Variants in JHY observed in about 807,000 individuals in gnomAD.
The protein encoded by JHY is jhy protein homolog.
Under a neutral mutation model 78.0 loss-of-function variants are expected in JHY, and 69 were observed. The observed-to-expected ratio is 0.88, with a 90% CI of 0.73 to 1.08. JHY has a LOEUF of 1.08. JHY is among the 50% of genes least tolerant of loss of function. JHY has a pLI of 0.00. For missense variants in JHY, 944 were observed against 927.8 expected (o/e 1.02, Z -0.23); for synonymous variants, 368 against 342.6 (o/e 1.07, Z -0.82).
At chr11:122,942,755 A>G (rs1428882320) in intron 5 of JHY, among the ~76,000 whole-genome samples, 2 of 152,170 alleles carry the variant, frequency 1.3e-5, no homozygotes, top group African/African-American at 2.4e-5. Context: ...TTAGCTCATT[A>G]TTTCTAAGGC....
chr11:122,957,373 T>C lies in JHY; in HGVS notation c.2021T>C (p.Leu674Ser). Residue 674 changes from leucine to serine, a missense_variant, in exon 8 of 9, where the codon TTA (leucine) becomes TCA (serine). By Grantham distance (145) the Leu-to-Ser change is moderately radical. Transcript: ENST00000227349. ...TGTTTCTCTGAACAGACGCAAAAATTAATACAGCAAAAGGAATATGCAAAA... is the reference window on the plus strand; with the variant it reads ...TGTTTCTCTGAACAGACGCAAAAATCAATACAGCAAAAGGAATATGCAAAA... ...FESIRDKTQK[L>S]IQQKEYAKQV... The C allele has an allele frequency of 6.5e-7, 1 of 1,527,588 alleles. No homozygotes were observed. Among genetic ancestry groups the C allele is most frequent in the South Asian group, 1.3e-5 (1 of 75,558 alleles). The allele number at this position is 1,527,588 out of a possible 1,614,324, so 94.6% of individuals were successfully genotyped here.
At chr11:122,890,141 T>C (rs1449454231) in intron 2 of JHY, among the ~76,000 whole-genome samples, 1 of 151,940 alleles carries the variant, frequency 6.6e-6, no homozygotes, top group East Asian at 1.9e-4. Flanking sequence ...ACAGATTAGA[T>C]ATGAGGATTG....
chr11:122,940,141 C>G (rs1268842685), intron 5 of JHY, among the ~76,000 whole-genome samples: 1 of 151,896 alleles, frequency 6.6e-6, no homozygotes, highest in Non-Finnish European at 1.5e-5. Context: ...AGTTCGAGAC[C>G]AGCCTGGCCA....
intron 5 of JHY, among the ~76,000 whole-genome samples, chr11:122,937,630 C>T (rs1320985341): frequency 6.6e-6 from 1 of 152,070 alleles, no homozygotes; most frequent in Non-Finnish European, 1.5e-5. Flanking sequence ...TCTCAGCGTG[C>T]CAGTGTCCTG....
intron 4 of JHY, among the ~76,000 whole-genome samples, chr11:122,927,836 T>C (rs1268049144): frequency 6.6e-6 from 1 of 151,896 alleles, no homozygotes; most frequent in Non-Finnish European, 1.5e-5. Context: ...GTTCAAGCGA[T>C]TCTCCTGTCT....
intron 6 of JHY, among the ~76,000 whole-genome samples, chr11:122,950,304 C>T (rs950962834): frequency 6.6e-6 from 1 of 152,148 alleles, no homozygotes; most frequent in Non-Finnish European, 1.5e-5. Flanking sequence ...TCTATAAGGA[C>T]ATGTATTCAG....
chr11:122,918,223 G>T (rs1863274628), intron 3 of JHY, among the ~76,000 whole-genome samples: 1 of 151,322 alleles, frequency 6.6e-6, no homozygotes, highest in Non-Finnish European at 1.5e-5. Context: ...ATTGAGAGAT[G>T]ATTATATGTC....
chr11:122,896,444 A>G (rs1005894570), intron 2 of JHY, among the ~76,000 whole-genome samples: 1 of 151,818 alleles, frequency 6.6e-6, no homozygotes, highest in Non-Finnish European at 1.5e-5. Context: ...TACCTTATTC[A>G]TCATCTTTCA....
chr11:122,901,612 G>A (rs1000738345), intron 2 of JHY, among the ~76,000 whole-genome samples: 6 of 151,856 alleles, frequency 4.0e-5, no homozygotes, highest in African/African-American at 1.2e-4. Flanking sequence ...GGTGGCTCAC[G>A]CCTGTAATCC....
intron 2 of JHY, 60 bp from the exon 3 acceptor site, chr11:122,903,865 A>T: frequency 6.6e-7 from 1 of 1,505,420 alleles, no homozygotes; most frequent in Non-Finnish European, 8.9e-7. Flanking sequence ...TGTTCAACTG[A>T]CTATAATGAG....
intron 2 of JHY, among the ~76,000 whole-genome samples, chr11:122,900,449 G>A (rs1279898801): frequency 1.6e-4 from 23 of 143,664 alleles, no homozygotes; most frequent in Non-Finnish European, 4.5e-5. Context: ...CTCAAGGAAG[G>A]AAAATCTCTC....
intron 3 of JHY, among the ~76,000 whole-genome samples, chr11:122,909,061 T>C (rs1427769347): frequency 6.6e-6 from 1 of 152,234 alleles, no homozygotes; most frequent in Non-Finnish European, 1.5e-5. Flanking sequence ...TGTGTATTTT[T>C]CCTTGTTAAT....
chr11:122,912,569 C>G (rs530790483), intron 3 of JHY, among the ~76,000 whole-genome samples: 1 of 152,018 alleles, frequency 6.6e-6, no homozygotes, highest in Non-Finnish European at 1.5e-5. Flanking sequence ...AGCTCAACCT[C>G]GTCTCCACCA....
chr11:122,959,399 G>A lies in JHY; in HGVS notation c.2291G>A (p.Arg764Lys), dbSNP rs1490420621. The A allele has an allele frequency of 6.2e-7, 1 of 1,613,922 alleles. No individual in the cohort carries two copies. The highest frequency in any genetic ancestry group is 8.5e-7 in the Non-Finnish European group (1 of 1,179,994). Residue 764 changes from arginine to lysine, a missense_variant, in exon 9 of 9, where the codon AGG becomes AAG. Transcript: ENST00000227349. Reference sequence around the variant, plus strand: ...GAAATACTGCAGAACAGACACGAAAGGGAAAAACAGGCTGTGGCTGCTTTC... The same window carrying A: ...GAAATACTGCAGAACAGACACGAAAAGGAAAAACAGGCTGTGGCTGCTTTC... ...LLEILQNRHEREKQAVAAFKV... is the reference protein window; with the variant it reads ...LLEILQNRHEKEKQAVAAFKV...
chr11:122,950,155 C>T (rs1349130139), intron 6 of JHY, among the ~76,000 whole-genome samples: 2 of 152,168 alleles, frequency 1.3e-5, no homozygotes, highest in East Asian at 3.9e-4. Context: ...TTTTTAATCA[C>T]AGGTAACTTC....
Position 122,959,242 on chromosome 11 carries a change from G to T in JHY, c.2140-6G>T, listed in dbSNP as rs183903995. ...TTCAAATAAAATTTCATCTTTATGC[G>T]TTTAGGCTTTGGAATACGCTAAGAC... On this transcript the variant is annotated splice_polypyrimidine_tract_variant and splice_region_variant and intron_variant, in intron 8 of 8. Coordinates refer to ENST00000227349, the MANE Select transcript of JHY (RefSeq NM_024806.4). The T allele has an allele frequency of 6.2e-7, 1 of 1,611,968 alleles. No homozygotes were observed. The highest frequency in any genetic ancestry group is 1.7e-5 in the Admixed American group (1 of 59,580).
chr11:122,946,991 G>C, intron 6 of JHY, 199 bp downstream of exon 6: 1 of 549,064 alleles, frequency 1.8e-6, no homozygotes, highest in Non-Finnish European at 3.0e-6. Context: ...AGAAGTTGTT[G>C]CTGCCAGGGA....
chr11:122,938,483 C>A (rs982736420), intron 5 of JHY, among the ~76,000 whole-genome samples: 2 of 152,222 alleles, frequency 1.3e-5, no homozygotes, highest in African/African-American at 4.8e-5. Flanking sequence ...GATACAACAT[C>A]CTTTTTTCTC....
intron 5 of JHY, among the ~76,000 whole-genome samples, chr11:122,941,064 T>G (rs1014765355): frequency 6.6e-6 from 1 of 152,208 alleles, no homozygotes; most frequent in Non-Finnish European, 1.5e-5. Context: ...GGCATAGTAA[T>G]ATGTTCTAGG....
Sources: gnomAD v4.1 joint callset for allele counts (sites outside exome capture counted in the v4.1 genomes callset) on GRCh38, gnomAD v4.1.1 for gene constraint, MANE v1.5 for transcripts, NCBI Gene and HGNC (gene_info 2026-07-23, HGNC 2026-07-21) for gene names.